The following ZSWIM4 variants were observed in gnomAD, a reference collection of about 807,000 sequenced individuals.
The protein encoded by ZSWIM4 is zinc finger SWIM domain-containing protein 4.
ZSWIM4 carries 62 observed loss-of-function variants against 102.5 expected under a neutral mutation model. The ratio of observed to expected loss-of-function variants is 0.60; its 90% CI spans 0.49 to 0.75. The LOEUF (loss-of-function observed/expected upper bound fraction) is 0.75. Among genes scored for constraint, ZSWIM4 ranks in the 30% least tolerant of loss-of-function variants. The pLI is 0.00. For synonymous variants in ZSWIM4, 652 were observed against 674.5 expected (o/e 0.97, Z 0.52); for missense variants, 1,280 against 1,529.6 (o/e 0.84, Z 2.72).
chr19:13,817,079 T>G, intron 7 of ZSWIM4, 137 bp from the exon 8 acceptor site: 4 of 1,254,048 alleles, frequency 3.2e-6, no homozygotes, highest in African/African-American at 1.5e-5. Flanking sequence ...AAAAAAAAAG[T>G]TGAAGGTGAC....
chr19:13,810,989 C>G (rs1479600474), intron 5 of ZSWIM4, among the ~76,000 whole-genome samples: 2 of 148,438 alleles, frequency 1.3e-5, no homozygotes, highest in African/African-American at 5.0e-5. Context: ...TCTCGGCTCA[C>G]TGCAAGCTCC....
At chr19:13,818,118 T>C (rs1975352472) in intron 9 of ZSWIM4, 142 bp downstream of exon 9, 3 of 1,335,498 alleles carry the variant, frequency 2.2e-6, no homozygotes, top group Non-Finnish European at 2.9e-6. Context: ...TGTCCCCTCA[T>C]ACCTTGGCAG....
chr19:13,815,572 G>C (rs1342366274), intron 7 of ZSWIM4, among the ~76,000 whole-genome samples: 1 of 140,528 alleles, frequency 7.1e-6, no homozygotes, highest in Non-Finnish European at 1.5e-5. Flanking sequence ...CCAGGTTCAA[G>C]CAATTCTCCG....
chr19:13,809,755 C>T lies in ZSWIM4; in HGVS notation c.1012+535C>T, dbSNP rs1975023044. Among the ~76,000 whole-genome samples, 1 of 152,146 alleles carries T rather than the reference C, an allele frequency of 6.6e-6. No individual in the cohort carries two copies. The highest frequency in any genetic ancestry group is 2.4e-5 in the African/African-American group (1 of 41,444). ...CCAGCCTCCCAAAGTACTGAGATGACATGCATGAGCCACCACACCCAGCCT... is the reference window on the plus strand; with the variant it reads ...CCAGCCTCCCAAAGTACTGAGATGATATGCATGAGCCACCACACCCAGCCT... On this transcript the variant is annotated intron_variant, in intron 5 of 13. Coordinates refer to ENST00000590508, the MANE Select transcript of ZSWIM4 (RefSeq NM_001367834.3). This position sits in a 1 kb window ranked among gnomAD's most constrained non-coding sequence, Gnocchi z 4.2.
rs1568348940 is a variant in ZSWIM4 at position 13,830,730 on chromosome 19, C to T, written c.3001C>T (p.Arg1001Cys). The change falls in exon 14 of 14, where the codon CGC becomes TGC. Residue 1001 changes from arginine (R) to cysteine (C), a missense_variant. Coordinates refer to ENST00000590508, the MANE Select transcript of ZSWIM4 (RefSeq NM_001367834.3). The stretch of plus-strand genomic sequence containing the variant: ...TGCCCCAATGCTGTCCGATATTCTG[C>T]GCCGCTGGACTCTCTCGGCGCCCGG... The part of the protein sequence containing the change: ...HCAPMLSDIL[R>C]RWTLSAPGLG... 1 of 1,607,896 alleles carries T rather than the reference C, an allele frequency of 6.2e-7. No homozygotes were observed. Among genetic ancestry groups the T allele is most frequent in the Non-Finnish European group, 8.5e-7 (1 of 1,177,822 alleles).
At chr19:13,800,471 T>G (rs1335839538) in intron 2 of ZSWIM4, among the ~76,000 whole-genome samples, 1 of 151,784 alleles carries the variant, frequency 6.6e-6, no homozygotes, top group Non-Finnish European at 1.5e-5. Context: ...TTCACCATGT[T>G]AGCCAGGATG....
Position 13,804,945 on chromosome 19 carries a change from C to CCCTGTA in ZSWIM4, c.514_515insACCTGT (p.Leu171_Ser172insTyrLeu), listed in dbSNP as rs1221018491. 1 of 1,613,236 alleles carries CCCTGTA rather than the reference C, an allele frequency of 6.2e-7. No individual in the cohort carries two copies. Among genetic ancestry groups the CCCTGTA allele is most frequent in the African/African-American group, 1.3e-5 (1 of 74,916 alleles). On this transcript the variant is annotated inframe_insertion, in exon 3 of 14. Transcript: ENST00000590508. ...CTCTTCTACTGTGCCCACGTGGTGGCCCTGTCCCTGTACCGCATTCGGCAC... is the reference window on the plus strand; with the variant it reads ...CTCTTCTACTGTGCCCACGTGGTGGCCCTGTACCTGTCCCTGTACCGCATTCGGCAC...
chr19:13,818,565 T>C (rs1355924217), intron 9 of ZSWIM4, among the ~76,000 whole-genome samples: 1 of 152,110 alleles, frequency 6.6e-6, no homozygotes. Context: ...TCCTTTTCCT[T>C]TTTTCCTTTT....
chr19:13,823,604 C>A, intron 11 of ZSWIM4, 104 bp downstream of exon 11: 1 of 1,371,906 alleles, frequency 7.3e-7, no homozygotes, highest in East Asian at 2.5e-5. Context: ...CACAAACTTC[C>A]CCCTGCATTC....
intron 5 of ZSWIM4, among the ~76,000 whole-genome samples, chr19:13,810,853 G>T (rs932579860): frequency 7.3e-6 from 1 of 136,650 alleles, no homozygotes; most frequent in African/African-American, 2.8e-5. Context: ...CTCATGATCC[G>T]CCCGCCTCGG....
chr19:13,819,538 GAGGGGCGGGCATGGGGGGT>G, intron 10 of ZSWIM4, 46 bp downstream of exon 10: 1 of 1,539,962 alleles, frequency 6.5e-7, no homozygotes, highest in South Asian at 1.2e-5. Context: ...CTGGGGGGAA[GAGGGGCGGGCATGGGGGGT>G]AGCTCAGAGC....
rs1437121347 is a variant in ZSWIM4 at position 13,809,167 on chromosome 19, G to A, written c.959G>A (p.Arg320Gln). Reference sequence around the variant, plus strand: ...CAGGACACGCGCCTGGCCCTGTGGCGGCAGCAGGGCGCGGGCATGACGGAC... The same window carrying A: ...CAGGACACGCGCCTGGCCCTGTGGCAGCAGCAGGGCGCGGGCATGACGGAC... ...FLQDTRLALWRQQGAGMTDKC... is the reference protein window; with the variant it reads ...FLQDTRLALWQQQGAGMTDKC... Residue 320 changes from arginine to glutamine, a missense_variant, in exon 5 of 14, where the codon CGG becomes CAG. Transcript: ENST00000590508. This position sits in a 1 kb window ranked among gnomAD's most constrained non-coding sequence, Gnocchi z 4.2. 1.9e-6 allele frequency: 3 copies of A among 1,613,296 alleles called. No individual in the cohort carries two copies. Among genetic ancestry groups the A allele is most frequent in the South Asian group, 2.2e-5 (2 of 91,036 alleles).
intron 3 of ZSWIM4, among the ~76,000 whole-genome samples, chr19:13,805,422 CTGG>C (rs60432773): frequency 0.021 from 3,191 of 152,104 alleles, 113 homozygotes; most frequent in African/African-American, 0.073. Flanking sequence ...AGTGGGAGGT[CTGG>C]CCCCAGGGCT....
chr19:13,820,087 A>T (rs116721843), intron 10 of ZSWIM4, among the ~76,000 whole-genome samples: 1,543 of 151,600 alleles, frequency 0.01, 21 homozygotes, highest in African/African-American at 0.036. Flanking sequence ...TTTAATAGAG[A>T]CAGGATTTCG....
At position 13,808,874 on chromosome 19, in the gene ZSWIM4, G is replaced by T; in HGVS notation, c.751G>T (p.Ala251Ser). The T allele has an allele frequency of 6.2e-7, 1 of 1,611,514 alleles. No homozygotes were observed. Among genetic ancestry groups the T allele is most frequent in the Non-Finnish European group, 8.5e-7 (1 of 1,179,042 alleles). The change falls in exon 4 of 14, where the codon GCC becomes TCC. Residue 251 changes from alanine (A) to serine (S), a missense_variant. Ala to Ser is a moderately conservative substitution (Grantham distance 99, BLOSUM62 1). Coordinates refer to ENST00000590508, the MANE Select transcript of ZSWIM4 (RefSeq NM_001367834.3). ...DPTAGAGIED[A>S]NCWHLDEEQI... Reference sequence around the variant, plus strand: ...CACCGCCGGCGCAGGAATCGAGGACGCCAACTGCTGGCACCTGGACGAGGA... The same window carrying T: ...CACCGCCGGCGCAGGAATCGAGGACTCCAACTGCTGGCACCTGGACGAGGA...
chr19:13,813,577 G>A (rs76429200), intron 6 of ZSWIM4, among the ~76,000 whole-genome samples: 2,746 of 151,944 alleles, frequency 0.018, 81 homozygotes, highest in African/African-American at 0.063. Flanking sequence ...CAGAGGAGCA[G>A]ATAGGAAGGA....
rs371834916 is a variant in ZSWIM4, at chr19:13,803,955, G to A, written c.356-837G>A. Among the ~76,000 whole-genome samples, 65 of 150,344 alleles carry A rather than the reference G, an allele frequency of 4.3e-4. No individual in the cohort carries two copies. The East Asian group carries it at 0.013, about 29-fold the overall frequency. ...CAGCTCACTGCAACCTCTGCCTCCC[G>A]GGTTCAAGCCATTCTCCTGCCTCAG... On this transcript the variant is annotated intron_variant, in intron 2 of 13. Transcript: ENST00000590508.
In ZSWIM4 at chr19:13,830,231, C is replaced by G. The variant is rs898216800; in HGVS notation, c.2502C>G (p.Ser834=). The G allele has an allele frequency of 6.2e-7, 1 of 1,613,774 alleles. No homozygotes were observed. Among genetic ancestry groups the G allele is most frequent in the Non-Finnish European group, 8.5e-7 (1 of 1,180,034 alleles). ...TGAATATCATGCAGAACTGGTATTC[C>G]TTATTCACACCAGTGGAGGCGGCTA... ...ALMNIMQNWY[S]LFTPVEAATI... is the part of the protein sequence containing the mutation. The change falls in exon 14 of 14, where the codon TCC becomes TCG. Residue 834 remains serine, a synonymous_variant. Transcript: ENST00000590508.
In ZSWIM4 at chr19:13,799,616, G is replaced by T. The variant is rs577759819; in HGVS notation, c.154-104G>T. The stretch of plus-strand genomic sequence containing the variant: ...ATGGGAGCCTCTCTATGTTGCCCAG[G>T]CTGGTCTCGAACTCTTGGCCTCAAG... On this transcript the variant is annotated intron_variant, in intron 1 of 13. Transcript: ENST00000590508. 67 of 1,113,234 alleles carry T rather than the reference G, an allele frequency of 6.0e-5. 1 individual carries two copies. The East Asian group carries it at 1.5e-3, about 25-fold the overall frequency. 69.0% of individuals were successfully genotyped at this position (1,113,234 alleles called of 1,614,324 possible).
Sources: allele counts gnomAD v4.1 joint callset (sites outside exome capture counted in the v4.1 genomes callset), GRCh38; gene constraint gnomAD v4.1.1; non-coding constraint Gnocchi (gnomAD v3.1); transcripts MANE v1.5; gene names NCBI Gene and HGNC (gene_info 2026-07-23, HGNC 2026-07-21).